NCAM2: variants seen among roughly 807,000 people sequenced by gnomAD.
NCAM2 encodes N-CAM-2.
Under a neutral mutation model 98.1 loss-of-function variants are expected in NCAM2, and 30 were observed. The observed-to-expected ratio is 0.31, with a 90% CI of 0.23 to 0.41. The LOEUF (loss-of-function observed/expected upper bound fraction) is 0.41. NCAM2 is among the 10% of genes least tolerant of loss of function. NCAM2 has a pLI of 1.00. For missense variants in NCAM2, 867 were observed against 1,005.8 expected (o/e 0.86, Z 1.87); for synonymous variants, 368 against 342.4 (o/e 1.07, Z -0.83).
At chr21:21,333,347 T>C (rs1483473920) in intron 6 of NCAM2, among the ~76,000 whole-genome samples, 1 of 152,214 alleles carries the variant, frequency 6.6e-6, no homozygotes, top group Non-Finnish European at 1.5e-5. Flanking sequence ...GGATTTTTAT[T>C]TTCTCATGAA....
chr21:21,281,990 AT>A (rs2072945774), intron 2 of NCAM2, among the ~76,000 whole-genome samples: 1 of 151,824 alleles, frequency 6.6e-6, no homozygotes, highest in African/African-American at 2.4e-5. Flanking sequence ...TTCTTTATAC[AT>A]TTTCCTTCTT....
chr21:21,207,307 A>G (rs1218388040), intron 1 of NCAM2, among the ~76,000 whole-genome samples: 1 of 152,164 alleles, frequency 6.6e-6, no homozygotes, highest in African/African-American at 2.4e-5. Context: ...TTTGGCACTC[A>G]GGAAGAAGCA....
At chr21:21,257,215 G>T (rs1376085780) in intron 1 of NCAM2, among the ~76,000 whole-genome samples, 1 of 152,180 alleles carries the variant, frequency 6.6e-6, no homozygotes. Context: ...TAAAGAGATG[G>T]ATTAAATTGG....
At chr21:21,416,006 C>A (rs1439125010) in intron 10 of NCAM2, among the ~76,000 whole-genome samples, 1 of 152,082 alleles carries the variant, frequency 6.6e-6, no homozygotes, top group African/African-American at 2.4e-5. Context: ...TACCACTTGG[C>A]TGTTTGTTGC....
chr21:21,093,446 T>C (rs2066055179), intron 1 of NCAM2, among the ~76,000 whole-genome samples: 2 of 152,092 alleles, frequency 1.3e-5, no homozygotes, highest in African/African-American at 4.8e-5. Context: ...GTTGTCCAAA[T>C]TGACATCTTG....
intron 9 of NCAM2, among the ~76,000 whole-genome samples, chr21:21,377,268 T>G (rs1380205871): frequency 6.6e-6 from 1 of 151,776 alleles, no homozygotes; most frequent in East Asian, 1.9e-4. Context: ...TCTATAATAA[T>G]CATCAAGATA....
At position 21,218,265 on chromosome 21, in the gene NCAM2, T is replaced by C. The variant is rs1007305132; in HGVS notation, c.56-62313T>C. Among the ~76,000 whole-genome samples, 3 of 152,304 alleles carry C rather than the reference T, an allele frequency of 2.0e-5. No homozygotes were observed. The East Asian group carries it at 5.8e-4, about 29-fold the overall frequency. On this transcript the variant is annotated intron_variant, in intron 1 of 17. Transcript: ENST00000400546. ...AGTCCAGTGCGCAGTAAAGTTAAGT[T>C]ACCAGATTCCATCTAGCATATTTTG...
chr21:21,217,104 T>A (rs1376535850), intron 1 of NCAM2, among the ~76,000 whole-genome samples: 1 of 151,896 alleles, frequency 6.6e-6, no homozygotes, highest in Non-Finnish European at 1.5e-5. Flanking sequence ...TGCCAGGGAG[T>A]TTTTCTCTGG....
At chr21:21,373,008 G>A (rs1326082357) in intron 8 of NCAM2, among the ~76,000 whole-genome samples, 1 of 151,746 alleles carries the variant, frequency 6.6e-6, no homozygotes, top group Non-Finnish European at 1.5e-5. Flanking sequence ...TATTAATAAT[G>A]TATTTTGTTG....
At chr21:21,037,177 C>T (rs1003800200) in intron 1 of NCAM2, among the ~76,000 whole-genome samples, 3 of 152,114 alleles carry the variant, frequency 2.0e-5, no homozygotes, top group Non-Finnish European at 2.9e-5. Flanking sequence ...TACAGGCCTG[C>T]GCCACCACGC....
intron 16 of NCAM2, among the ~76,000 whole-genome samples, chr21:21,522,682 G>A (rs1989097696): frequency 7.2e-6 from 1 of 138,312 alleles, no homozygotes; most frequent in Non-Finnish European, 1.5e-5. Context: ...CCGGTCTGGA[G>A]TGCAGTGGTG....
intron 1 of NCAM2, among the ~76,000 whole-genome samples, chr21:21,060,228 T>C (rs2065293152): frequency 6.6e-6 from 1 of 152,116 alleles, no homozygotes; most frequent in Admixed American, 6.6e-5. Context: ...TGTTTCAGCT[T>C]ACCACATCAC....
chr21:21,290,547 C>A (rs2073253599), intron 4 of NCAM2, among the ~76,000 whole-genome samples: 2 of 151,786 alleles, frequency 1.3e-5, no homozygotes, highest in Non-Finnish European at 2.9e-5. Context: ...TCTGAATAAA[C>A]ATTTTTGTCT....
chr21:21,169,121 A>G (rs969965560), intron 1 of NCAM2, among the ~76,000 whole-genome samples: 1 of 152,174 alleles, frequency 6.6e-6, no homozygotes, highest in Non-Finnish European at 1.5e-5. Context: ...TAGAGATTCC[A>G]GAAGTAGACC....
intron 17 of NCAM2, among the ~76,000 whole-genome samples, chr21:21,537,281 A>G (rs28479137): frequency 0.42 from 64,123 of 151,644 alleles, 14,020 homozygotes; most frequent in Non-Finnish European, 0.48. Flanking sequence ...TCCTGACCTC[A>G]AGTGATCCAC....
intron 9 of NCAM2, among the ~76,000 whole-genome samples, chr21:21,402,268 A>T (rs867455465): frequency 6.6e-6 from 1 of 152,110 alleles, no homozygotes; most frequent in Non-Finnish European, 1.5e-5. Context: ...CCTAGCAAGG[A>T]ATATAATATT....
chr21:21,377,308 C>T (rs1023588839), intron 9 of NCAM2, among the ~76,000 whole-genome samples: 2 of 151,762 alleles, frequency 1.3e-5, no homozygotes, highest in African/African-American at 4.8e-5. Flanking sequence ...AGAATTTTCT[C>T]AAGTCACTTT....
At chr21:21,259,502 C>T (rs2071810318) in intron 1 of NCAM2, among the ~76,000 whole-genome samples, 1 of 151,420 alleles carries the variant, frequency 6.6e-6, no homozygotes, top group Non-Finnish European at 1.5e-5. Flanking sequence ...CTCTAAACCC[C>T]ACCCCTAGTC....
intron 3 of NCAM2, 55 bp from the exon 4 acceptor site, chr21:21,286,214 G>A (rs2073093173): frequency 3.4e-6 from 5 of 1,475,224 alleles, no homozygotes; most frequent in Non-Finnish European, 3.6e-6. Flanking sequence ...GGAGAAATAA[G>A]CAATGATACT....
Sources: allele counts gnomAD v4.1 joint callset (sites outside exome capture counted in the v4.1 genomes callset), GRCh38; gene constraint gnomAD v4.1.1; transcripts MANE v1.5; gene names NCBI Gene and HGNC (gene_info 2026-07-23, HGNC 2026-07-21).